Variants in ADCY1 observed in about 807,000 individuals in gnomAD.
ADCY1 encodes adenylate cyclase 1.
In ADCY1, 28 loss-of-function variants were observed where a neutral mutation model predicts 105.4. That is an observed-to-expected ratio of 0.27 (90% CI 0.20 to 0.36). ADCY1 has a LOEUF of 0.36. Among genes scored for constraint, ADCY1 ranks in the 10% least tolerant of loss-of-function variants. The pLI, the probability that ADCY1 is intolerant of heterozygous loss-of-function variation, is 1.00. For missense variants in ADCY1, 977 were observed against 1,434.2 expected, an observed-to-expected ratio of 0.68 and a Z score of 5.15; for synonymous variants, 655 against 623.8, an observed-to-expected ratio of 1.05 and a Z score of -0.75.
chr7:45,627,205 C>T (rs1288320787), intron 4 of ADCY1, among the ~76,000 whole-genome samples: 2 of 152,206 alleles, frequency 1.3e-5, no homozygotes, highest in Non-Finnish European at 2.9e-5. Flanking sequence ...GGTAAAACAA[C>T]ATCCCCAGAG....
intron 8 of ADCY1, among the ~76,000 whole-genome samples, chr7:45,672,761 G>A (rs1272464577): frequency 6.6e-6 from 1 of 151,946 alleles, no homozygotes; most frequent in Admixed American, 6.6e-5. Context: ...TGAAACTAGA[G>A]ACAATTTTCT....
chr7:45,674,104 C>A (rs1255521903), intron 8 of ADCY1, among the ~76,000 whole-genome samples: 1 of 146,378 alleles, frequency 6.8e-6, no homozygotes, highest in Non-Finnish European at 1.5e-5. Context: ...CTAACTGTTA[C>A]TAGTTTTAGT....
intron 8 of ADCY1, among the ~76,000 whole-genome samples, 165 bp downstream of exon 8, chr7:45,662,379 CAA>C (rs1429337540): frequency 6.6e-6 from 1 of 152,174 alleles, no homozygotes; most frequent in Non-Finnish European, 1.5e-5. Flanking sequence ...TTATTTCCTG[CAA>C]AAGTCATTAT....
intron 7 of ADCY1, 102 bp from the exon 8 acceptor site, chr7:45,661,957 T>G: frequency 7.3e-7 from 1 of 1,369,482 alleles, no homozygotes; most frequent in Non-Finnish European, 1.0e-6. Context: ...TGAATCCCAG[T>G]GCCCTGGGGT....
intron 8 of ADCY1, among the ~76,000 whole-genome samples, chr7:45,671,221 C>T (rs907002451): frequency 3.9e-5 from 6 of 152,152 alleles, no homozygotes; most frequent in African/African-American, 1.4e-4. Context: ...TTTCTTCATC[C>T]AGCATTATGC....
At chr7:45,682,405 G>A (rs202043532) in intron 11 of ADCY1, among the ~76,000 whole-genome samples, 1 of 152,158 alleles carries the variant, frequency 6.6e-6, no homozygotes, top group East Asian at 1.9e-4. Flanking sequence ...TAGGCCTGGA[G>A]AACATCAGGA....
At chr7:45,685,490 A>G (rs904635071) in intron 12 of ADCY1, among the ~76,000 whole-genome samples, 1 of 151,224 alleles carries the variant, frequency 6.6e-6, no homozygotes, top group African/African-American at 2.4e-5. Flanking sequence ...AGGAGTAACA[A>G]GATGGAGCTG....
chr7:45,605,398 G>A (rs1793347304), intron 2 of ADCY1, among the ~76,000 whole-genome samples: 1 of 152,118 alleles, frequency 6.6e-6, no homozygotes, highest in South Asian at 2.1e-4. Flanking sequence ...CAACATCCTT[G>A]CCTTGTTCCC....
chr7:45,626,305 C>T (rs116918481), intron 4 of ADCY1, among the ~76,000 whole-genome samples: 3 of 152,166 alleles, frequency 2.0e-5, no homozygotes, highest in Admixed American at 6.5e-5. Flanking sequence ...AACAGTGTTA[C>T]GTTTAAAGAC....
At chr7:45,608,998 C>G (rs1316840706) in intron 2 of ADCY1, among the ~76,000 whole-genome samples, 1 of 152,202 alleles carries the variant, frequency 6.6e-6, no homozygotes, top group Non-Finnish European at 1.5e-5. Context: ...TCTTCCTTCT[C>G]TGAAGTTTAT....
chr7:45,598,840 G>A (rs1026465616), intron 2 of ADCY1, among the ~76,000 whole-genome samples: 2 of 152,218 alleles, frequency 1.3e-5, no homozygotes, highest in African/African-American at 4.8e-5. Context: ...GAGCTGGCTG[G>A]TGATTATGGA....
intron 8 of ADCY1, among the ~76,000 whole-genome samples, chr7:45,673,073 C>T (rs187389228): frequency 3.9e-5 from 6 of 152,122 alleles, no homozygotes; most frequent in Non-Finnish European, 7.4e-5. Flanking sequence ...TCCTCTTTAA[C>T]CAGTTCATCT....
chr7:45,679,258 G>A (rs1784514669), intron 10 of ADCY1, among the ~76,000 whole-genome samples: 1 of 152,196 alleles, frequency 6.6e-6, no homozygotes. Context: ...ATCCTGCCCA[G>A]CCCACAGACA....
intron 2 of ADCY1, among the ~76,000 whole-genome samples, chr7:45,600,802 T>C (rs1164795860): frequency 6.6e-6 from 1 of 152,226 alleles, no homozygotes; most frequent in Admixed American, 6.5e-5. Flanking sequence ...GTCTTCCCTC[T>C]GTGCGCACAC....
Position 45,616,557 on chromosome 7 carries a change from G to C in ADCY1, c.908+6060G>C, listed in dbSNP as rs193023377. Among the ~76,000 whole-genome samples the C allele has an allele frequency of 3.7e-4, 57 of 152,204 alleles. No homozygotes were observed. The East Asian group carries it at 0.011, about 28-fold the overall frequency. ...GATAACAACATGTTAAGAGAATACG[G>C]AATACAAATCATGTGATCATCTCAA... On this transcript the variant is annotated intron_variant, in intron 3 of 19. Transcript: ENST00000297323.
intron 5 of ADCY1, among the ~76,000 whole-genome samples, chr7:45,654,450 A>C (rs1034282725): frequency 1.3e-5 from 2 of 152,200 alleles, no homozygotes; most frequent in Non-Finnish European, 2.9e-5. Flanking sequence ...TTGAGCTGCT[A>C]AGTTCAGCTT....
At chr7:45,627,846 C>T (rs1187810357) in intron 4 of ADCY1, among the ~76,000 whole-genome samples, 1 of 152,190 alleles carries the variant, frequency 6.6e-6, no homozygotes, top group Non-Finnish European at 1.5e-5. Flanking sequence ...CCAGAATCCA[C>T]TCGTGGGGAG....
rs144537423 is a variant in ADCY1, at chr7:45,714,210, C to T, written c.*215C>T. The T allele has an allele frequency of 2.1e-4, 123 of 578,504 alleles. No individual in the cohort carries two copies. Among genetic ancestry groups the T allele is most frequent in the East Asian group, 8.1e-4 (29 of 35,734 alleles). 35.8% of individuals were successfully genotyped at this position (578,504 alleles called of 1,614,324 possible). A position where few individuals can be genotyped will look rare whatever the true frequency, so the allele number is the denominator to read the frequency against. ...AGTGACTCGGTGAGGGGAGGACACC[C>T]GACTGTGCACACTTCCAGGCCTCCC... On this transcript the variant is annotated 3_prime_UTR_variant, in exon 20 of 20. Transcript: ENST00000297323.
intron 4 of ADCY1, among the ~76,000 whole-genome samples, chr7:45,642,485 C>T (rs946030128): frequency 6.6e-6 from 1 of 152,152 alleles, no homozygotes; most frequent in African/African-American, 2.4e-5. Flanking sequence ...GTGCCCCTCC[C>T]ATTTTGGCCC....
Sources: gnomAD v4.1 joint callset for allele counts (sites outside exome capture counted in the v4.1 genomes callset) on GRCh38, gnomAD v4.1.1 for gene constraint, MANE v1.5 for transcripts, NCBI Gene and HGNC (gene_info 2026-07-23, HGNC 2026-07-21) for gene names.